DMGDH: variants seen among roughly 807,000 people sequenced by gnomAD.
The protein encoded by DMGDH is dimethylglycine dehydrogenase, mitochondrial.
DMGDH carries 76 observed loss-of-function variants against 95.2 expected under a neutral mutation model. The ratio of observed to expected loss-of-function variants is 0.80; its 90% CI spans 0.66 to 0.97. DMGDH has a LOEUF of 0.97. DMGDH is among the 50% of genes least tolerant of loss of function. DMGDH has a pLI of 0.00. For synonymous variants in DMGDH, 345 were observed against 377.6 expected (o/e 0.91, Z 1.00); for missense variants, 987 against 1,055.0 (o/e 0.94, Z 0.89).
rs745920856 is a variant in DMGDH at position 79,026,656 on chromosome 5, CA to C, written c.2033-76del. On this transcript the variant is annotated intron_variant, in intron 12 of 15. Coordinates refer to ENST00000255189, the MANE Select transcript of DMGDH (RefSeq NM_013391.3). ...GATCTAATGTGCATTAGCTAGAACA[CA>C]TATAAGCAGGAGAAATTCCACTTAT... The C allele has an allele frequency of 2.3e-3, 3,641 of 1,594,960 alleles. 8 individuals carry two copies. The highest frequency in any genetic ancestry group is 2.9e-3 in the South Asian group (257 of 89,592).
intron 5 of DMGDH, among the ~76,000 whole-genome samples, chr5:79,050,100 T>C (rs1052413259): frequency 7.3e-5 from 11 of 151,128 alleles, no homozygotes; most frequent in Non-Finnish European, 1.5e-4. Flanking sequence ...CTACTAAAAA[T>C]ACAAAAATTA....
At chr5:79,047,916 C>A (rs1403234152) in intron 5 of DMGDH, among the ~76,000 whole-genome samples, 5 of 152,032 alleles carry the variant, frequency 3.3e-5, no homozygotes, top group African/African-American at 7.2e-5. Flanking sequence ...GGGAAACTTC[C>A]CAAGGTGATT....
At chr5:79,053,762 A>G (rs2112662217) in intron 4 of DMGDH, among the ~76,000 whole-genome samples, 1 of 152,348 alleles carries the variant, frequency 6.6e-6, no homozygotes, top group East Asian at 1.9e-4. Context: ...GCTATAAGCT[A>G]GGTGATATTT....
At chr5:79,043,048 TC>T (rs1436224974) in intron 6 of DMGDH, among the ~76,000 whole-genome samples, 1 of 152,078 alleles carries the variant, frequency 6.6e-6, no homozygotes, top group African/African-American at 2.4e-5. Context: ...ACAGGCAGGG[TC>T]TTGAAGTGCA....
At chr5:78,999,334 T>C (rs187204970) in intron 15 of DMGDH, among the ~76,000 whole-genome samples, 175 of 152,254 alleles carry the variant, frequency 1.1e-3, no homozygotes, top group African/African-American at 4.0e-3. Context: ...TCTCTCTCTT[T>C]TTTTTCTTTT....
At position 79,035,247 on chromosome 5, in the gene DMGDH, C is replaced by G. The variant is rs77712752; in HGVS notation, c.1194-1839G>C. Among the ~76,000 whole-genome samples the G allele has an allele frequency of 9.2e-5, 14 of 152,170 alleles. No individual in the cohort carries two copies. The South Asian group carries it at 2.7e-3, about 29-fold the overall frequency. ...TATTAAACTTAGCACATTCACTTAACCAGGCCCAATGCCCATATAGATCAA... is the reference window on the plus strand; with the variant it reads ...TATTAAACTTAGCACATTCACTTAAGCAGGCCCAATGCCCATATAGATCAA... On this transcript the variant is annotated intron_variant, in intron 7 of 15. Coordinates refer to ENST00000255189, the MANE Select transcript of DMGDH (RefSeq NM_013391.3).
At chr5:79,000,722 G>A in intron 15 of DMGDH, 1 of 626,184 alleles carries the variant, frequency 1.6e-6, no homozygotes, top group Non-Finnish European at 3.0e-6. Flanking sequence ...CACAGGTAAA[G>A]AATACTTTCA....
At chr5:79,002,109 G>A (rs568088981) in intron 15 of DMGDH, among the ~76,000 whole-genome samples, 1 of 152,218 alleles carries the variant, frequency 6.6e-6, no homozygotes, top group South Asian at 2.1e-4. Context: ...CGCAAATTAT[G>A]AGAAGTCTCT....
intron 7 of DMGDH, among the ~76,000 whole-genome samples, chr5:79,040,081 AG>A (rs2112641583): frequency 6.6e-6 from 1 of 152,284 alleles, no homozygotes; most frequent in East Asian, 1.9e-4. Flanking sequence ...ATCTGAGGAG[AG>A]GGTTGTGGGA....
At chr5:79,009,324 G>GA (rs1200720706) in intron 14 of DMGDH, among the ~76,000 whole-genome samples, 2 of 146,548 alleles carry the variant, frequency 1.4e-5, no homozygotes, top group Non-Finnish European at 3.0e-5. Context: ...TTGAAAGTAA[G>GA]AAACACTTAC....
chr5:79,042,276 T>C lies in DMGDH; in HGVS notation c.1193+7A>G, dbSNP rs749349809. The stretch of plus-strand genomic sequence containing the variant: ...CAATAAATGTTGAATTACATGAAGA[T>C]ACTTACCCAAAGCCTATAGCCACCC... On this transcript the variant is annotated splice_region_variant and intron_variant, in intron 7 of 15. Coordinates refer to ENST00000255189, the MANE Select transcript of DMGDH (RefSeq NM_013391.3). 6.2e-7 allele frequency: 1 copy of C among 1,612,716 alleles called. No homozygotes were observed. Among genetic ancestry groups the C allele is most frequent in the Non-Finnish European group, 8.5e-7 (1 of 1,178,712 alleles).
At chr5:79,018,265 C>G (rs1473698980) in intron 14 of DMGDH, among the ~76,000 whole-genome samples, 1 of 152,106 alleles carries the variant, frequency 6.6e-6, no homozygotes, top group Non-Finnish European at 1.5e-5. Context: ...GGTTTCAAAC[C>G]TGGGTTGAGG....
At position 79,016,233 on chromosome 5, in the gene DMGDH, TC is replaced by T. The variant is rs111738170; in HGVS notation, c.2250+8037del. 4.5e-3 allele frequency among the ~76,000 whole-genome samples: 629 copies of T among 139,842 alleles called. 5 individuals are homozygous for T. Among genetic ancestry groups the T allele is most frequent in the African/African-American group, 0.016 (596 of 37,156 alleles). 91.7% of individuals were successfully genotyped at this position (139,842 alleles called of 152,430 possible). A position where few individuals can be genotyped will look rare whatever the true frequency, so the allele number is the denominator to read the frequency against. On this transcript the variant is annotated intron_variant, in intron 14 of 15. Transcript: ENST00000255189. ...AGCCTGGAGACAGAGTGAGACTCCA[TC>T]AAAAAAAAAAAGGAATATAAGGCAA...
Position 79,030,031 on chromosome 5 carries a change from C to A in DMGDH, c.1687G>T (p.Gly563Cys), listed in dbSNP as rs772215706. ...AACATGTGACTTATATTTGTAAAACCCACCTACATAAAAAAATTAAAAATT... is the reference window on the plus strand; with the variant it reads ...AACATGTGACTTATATTTGTAAAACACACCTACATAAAAAAATTAAAAATT... ...HLFANVIPKVGFTNISHMLTP... is the reference protein window; with the variant it reads ...HLFANVIPKVCFTNISHMLTP... Residue 563 changes from glycine (G) to cysteine (C), a missense_variant, in exon 11 of 16, where the codon GGT becomes TGT. Gly to Cys is a radical substitution (Grantham distance 159). Transcript: ENST00000255189. The A allele has an allele frequency of 4.3e-6, 7 of 1,611,324 alleles. No homozygotes were observed. Among genetic ancestry groups the A allele is most frequent in the Non-Finnish European group, 5.9e-6 (7 of 1,179,228 alleles).
intron 15 of DMGDH, 146 bp from the exon 16 acceptor site, chr5:78,998,443 C>T (rs1753397569): frequency 2.7e-6 from 2 of 728,632 alleles, no homozygotes. Flanking sequence ...GCCAGAGACA[C>T]AGGAGGAAAA....
intron 14 of DMGDH, among the ~76,000 whole-genome samples, chr5:79,007,343 C>T (rs1753570631): frequency 6.6e-6 from 1 of 151,938 alleles, no homozygotes; most frequent in African/African-American, 2.4e-5. Flanking sequence ...GATTTGAAAC[C>T]CATGTATATG....
At chr5:79,066,364 C>A (rs865820765) in intron 1 of DMGDH, among the ~76,000 whole-genome samples, 2 of 152,184 alleles carry the variant, frequency 1.3e-5, no homozygotes, top group South Asian at 2.1e-4. Flanking sequence ...CGGCTCACTG[C>A]AAGCTCCACC....
At chr5:79,051,183 T>G in intron 5 of DMGDH, 104 bp downstream of exon 5, 2 of 1,255,004 alleles carry the variant, frequency 1.6e-6, no homozygotes, top group Non-Finnish European at 2.3e-6. Flanking sequence ...CTTGGGAGCA[T>G]CACAGTGCTT....
chr5:79,062,030 T>A (rs180951018), intron 2 of DMGDH, among the ~76,000 whole-genome samples: 12 of 152,260 alleles, frequency 7.9e-5, no homozygotes, highest in Admixed American at 7.8e-4. Flanking sequence ...AATTCAGAAG[T>A]GGTGAGAGGG....
Sources: allele counts gnomAD v4.1 joint callset (sites outside exome capture counted in the v4.1 genomes callset), GRCh38; gene constraint gnomAD v4.1.1; transcripts MANE v1.5; gene names NCBI Gene and HGNC (gene_info 2026-07-23, HGNC 2026-07-21).